CAPRIN1: variants seen among roughly 807,000 people sequenced by gnomAD.
CAPRIN1 encodes cell cycle associated protein 1.
In CAPRIN1, 29 loss-of-function variants were observed where a neutral mutation model predicts 100.9. That is an observed-to-expected ratio of 0.29 (90% confidence interval 0.21 to 0.39). The LOEUF is 0.39. Among genes scored for constraint, CAPRIN1 ranks in the 10% least tolerant of loss-of-function variants. CAPRIN1 has a pLI of 1.00. For missense variants in CAPRIN1, 795 were observed against 876.7 expected (o/e 0.91, Z 1.18); for synonymous variants, 338 against 307.5 (o/e 1.10, Z -1.04).
chr11:34,085,202 C>A lies in CAPRIN1; in HGVS notation c.967-862C>A, dbSNP rs567424894. Among the ~76,000 whole-genome samples, 187 of 152,134 alleles carry A rather than the reference C, an allele frequency of 1.2e-3. 2 individuals carry two copies. The highest frequency in any genetic ancestry group is 2.1e-3 in the Non-Finnish European group (145 of 67,992). ...TTGCAGAGCAGGGAATTACTAAGAACAATAAGCAGAGGAAATTATTAGAGC... is the reference window on the plus strand; with the variant it reads ...TTGCAGAGCAGGGAATTACTAAGAAAAATAAGCAGAGGAAATTATTAGAGC... On this transcript the variant is annotated intron_variant, in intron 9 of 18. Coordinates refer to ENST00000341394, the MANE Select transcript of CAPRIN1 (RefSeq NM_005898.5).
At position 34,087,285 on chromosome 11, in the gene CAPRIN1, G is replaced by A. The variant is rs191667832; in HGVS notation, c.1231+872G>A. Among the ~76,000 whole-genome samples, 360 of 151,106 alleles carry A rather than the reference G, an allele frequency of 2.4e-3. 7 individuals are homozygous for A. The highest frequency in any genetic ancestry group is 5.5e-4 in the Non-Finnish European group (37 of 67,868). ...TTAATGACAGTTAATTTGGTGTAAG[G>A]TAGTTAGGATTTTTCTGAAGTAAAG... On this transcript the variant is annotated intron_variant, in intron 11 of 18. Transcript: ENST00000341394.
intron 6 of CAPRIN1, among the ~76,000 whole-genome samples, chr11:34,078,441 C>T (rs889984005): frequency 6.6e-6 from 1 of 152,078 alleles, no homozygotes; most frequent in Non-Finnish European, 1.5e-5. Context: ...TAAAAAATAC[C>T]CTGGTACACC....
At chr11:34,089,777 A>G (rs1851227595) in intron 12 of CAPRIN1, among the ~76,000 whole-genome samples, 1 of 151,878 alleles carries the variant, frequency 6.6e-6, no homozygotes, top group Admixed American at 6.6e-5. Flanking sequence ...GTTTAGGTTC[A>G]TTTTTCCTCT....
At chr11:34,076,910 T>C (rs1035208036) in intron 6 of CAPRIN1, among the ~76,000 whole-genome samples, 1 of 152,040 alleles carries the variant, frequency 6.6e-6, no homozygotes, top group Non-Finnish European at 1.5e-5. Context: ...ATTTTTTGTA[T>C]TTTTAGTAGA....
chr11:34,091,399 G>A (rs186950002), intron 14 of CAPRIN1, among the ~76,000 whole-genome samples: 5 of 152,272 alleles, frequency 3.3e-5, no homozygotes, highest in African/African-American at 1.2e-4. Flanking sequence ...CGATTCTCAT[G>A]CCTCAGCCTT....
chr11:34,072,446 A>G (rs766597717), intron 4 of CAPRIN1, among the ~76,000 whole-genome samples: 13 of 152,222 alleles, frequency 8.5e-5, no homozygotes, highest in African/African-American at 2.4e-4. Flanking sequence ...ATACATAAAA[A>G]TCAGATAGTC....
chr11:34,098,739 G>A, intron 18 of CAPRIN1: 1 of 985,320 alleles, frequency 1.0e-6, no homozygotes, highest in East Asian at 1.1e-4. Context: ...GATGAAAGTT[G>A]AGTTAACTGA....
intron 17 of CAPRIN1, 141 bp from the exon 18 acceptor site, chr11:34,097,557 C>A: frequency 2.4e-6 from 2 of 838,286 alleles, no homozygotes; most frequent in Non-Finnish European, 1.9e-6. Flanking sequence ...AATTACAGAA[C>A]AAGGTGTAGC....
intron 2 of CAPRIN1, among the ~76,000 whole-genome samples, chr11:34,060,331 T>C (rs1386237930): frequency 1.3e-5 from 2 of 152,126 alleles, no homozygotes; most frequent in East Asian, 1.9e-4. Context: ...TCAATACTGT[T>C]CTAAAAATAT....
At chr11:34,061,200 CT>C (rs770158492) in intron 2 of CAPRIN1, among the ~76,000 whole-genome samples, 1,342 of 102,860 alleles carry the variant, frequency 0.013, 20 homozygotes, top group East Asian at 0.096. Flanking sequence ...AGGTAACATC[CT>C]TTTTTTTTTT....
At chr11:34,099,219 C>G in intron 18 of CAPRIN1, 84 bp from the exon 19 acceptor site, 1 of 1,558,418 alleles carries the variant, frequency 6.4e-7, no homozygotes, top group Non-Finnish European at 8.8e-7. Context: ...TGCCCACATG[C>G]TTCTTGACTT....
chr11:34,101,567 A>G lies in CAPRIN1; in HGVS notation c.*2200A>G, dbSNP rs1224228013. 6.6e-6 allele frequency among the ~76,000 whole-genome samples: 1 copy of G among 152,162 alleles called. No individual in the cohort carries two copies. Among genetic ancestry groups the G allele is most frequent in the Non-Finnish European group, 1.5e-5 (1 of 68,018 alleles). On this transcript the variant is annotated 3_prime_UTR_variant, in exon 19 of 19. Coordinates refer to ENST00000341394, the MANE Select transcript of CAPRIN1 (RefSeq NM_005898.5). ...AGGTGTTCATAGTTTGACTGTTTCT[A>G]TGTATGTTTTTTCAAAGAATTGTTC...
chr11:34,097,746 C>T lies in CAPRIN1; in HGVS notation c.2050C>T (p.Arg684Trp), dbSNP rs1171575337. ...FKRGSGQSGP[R>W]GAPRGRGGPP... ...GCGAGGCTCTGGGCAGAGTGGACCACGGGGAGCCCCACGAGGTAATATTTT... is the reference window on the plus strand; with the variant it reads ...GCGAGGCTCTGGGCAGAGTGGACCATGGGGAGCCCCACGAGGTAATATTTT... The change falls in exon 18 of 19, where the codon CGG becomes TGG. Residue 684 changes from arginine (R) to tryptophan (W), a missense_variant. Arg to Trp is a moderately radical substitution (Grantham distance 101). Around this residue, in one of 3 missense-constraint regions of CAPRIN1, gnomAD observed 648 missense variants for 697.9 expected, o/e 0.93. Transcript: ENST00000341394. The T allele has an allele frequency of 5.6e-6, 9 of 1,614,062 alleles. No homozygotes were observed. Among genetic ancestry groups the T allele is most frequent in the Non-Finnish European group, 7.6e-6 (9 of 1,179,944 alleles).
At chr11:34,052,936 T>TGG in intron 2 of CAPRIN1, 1 of 1,238,668 alleles carries the variant, frequency 8.1e-7, no homozygotes. Flanking sequence ...CATGTGAGGG[T>TGG]GGGGGCCTGT....
intron 6 of CAPRIN1, among the ~76,000 whole-genome samples, chr11:34,078,673 A>G (rs1850952259): frequency 6.6e-6 from 1 of 152,136 alleles, no homozygotes; most frequent in Admixed American, 6.5e-5. Flanking sequence ...CTCCAGCCAC[A>G]TCTTTCCCTA....
In CAPRIN1 at chr11:34,076,415, G is replaced by T. The variant is rs759977134; in HGVS notation, c.546G>T (p.Glu182Asp). Residue 182 changes from glutamate to aspartate, a missense_variant, in exon 5 of 19, where the codon GAG (glutamate) becomes GAT (aspartate). Glu to Asp is a conservative substitution (Grantham distance 45). Transcript: ENST00000341394. ...GAGTGCCAATATTGTCCGAAGAGGAGTTGTCATTGTTGGATGAATTCTATA... is the reference window on the plus strand; with the variant it reads ...GAGTGCCAATATTGTCCGAAGAGGATTTGTCATTGTTGGATGAATTCTATA... ...LNGVPILSEE[E>D]LSLLDEFYKL... 6.2e-7 allele frequency: 1 copy of T among 1,614,200 alleles called. No homozygotes were observed. Among genetic ancestry groups the T allele is most frequent in the Non-Finnish European group, 8.5e-7 (1 of 1,180,024 alleles).
chr11:34,090,769 G>A, intron 14 of CAPRIN1, 91 bp downstream of exon 14: 1 of 1,092,916 alleles, frequency 9.1e-7, no homozygotes, highest in Non-Finnish European at 1.3e-6. Flanking sequence ...ATTTAACTGT[G>A]CTTGAGTCTG....
chr11:34,074,693 G>A (rs934658543), intron 4 of CAPRIN1, among the ~76,000 whole-genome samples: 5 of 152,202 alleles, frequency 3.3e-5, no homozygotes, highest in Non-Finnish European at 7.3e-5. Context: ...GACCAGCCTG[G>A]CCAACATAGT....
intron 2 of CAPRIN1, among the ~76,000 whole-genome samples, chr11:34,054,040 C>G (rs1289424825): frequency 6.6e-6 from 1 of 152,158 alleles, no homozygotes; most frequent in Non-Finnish European, 1.5e-5. Flanking sequence ...GATATAGTAA[C>G]TGGCTAAAAC....
Sources: gnomAD v4.1 joint callset for allele counts (sites outside exome capture counted in the v4.1 genomes callset) on GRCh38, gnomAD v4.1.1 for gene constraint, gnomAD v4.1.1 regional missense constraint, MANE v1.5 for transcripts, NCBI Gene and HGNC (gene_info 2026-07-23, HGNC 2026-07-21) for gene names.